The following PTPRD variants were observed in gnomAD, a reference collection of about 807,000 sequenced individuals.
PTPRD encodes receptor-type tyrosine-protein phosphatase delta.
A neutral mutation model predicts 214.5 loss-of-function variants in PTPRD; 34 were observed. The observed-to-expected ratio is 0.16, with a 90% confidence interval of 0.12 to 0.21. The LOEUF is 0.21. Ranked by LOEUF, PTPRD falls within the 10% of genes least tolerant of loss-of-function variation. PTPRD has a pLI of 1.00. For missense variants in PTPRD, 2,545 were observed against 2,398.7 expected (o/e 1.06, Z -1.27); for synonymous variants, 1,128 against 845.7 (o/e 1.33, Z -5.79).
intron 11 of PTPRD, among the ~76,000 whole-genome samples, chr9:8,844,991 T>C (rs1437348404): frequency 6.6e-6 from 1 of 152,114 alleles, no homozygotes; most frequent in Non-Finnish European, 1.5e-5. Context: ...ATCTCTAAAA[T>C]TTGTCAGTGC....
chr9:8,384,421 A>C (rs934712950), intron 37 of PTPRD, among the ~76,000 whole-genome samples: 6 of 152,190 alleles, frequency 3.9e-5, no homozygotes, highest in African/African-American at 1.4e-4. Flanking sequence ...AAAAACCACT[A>C]ACAGTATTTC....
chr9:9,047,095 G>A (rs549824145), intron 10 of PTPRD, among the ~76,000 whole-genome samples: 3 of 151,818 alleles, frequency 2.0e-5, no homozygotes, highest in Non-Finnish European at 4.4e-5. Context: ...ATTAAAAATC[G>A]GTAGCATTTC....
At chr9:8,701,919 G>A (rs957694239) in intron 12 of PTPRD, among the ~76,000 whole-genome samples, 8 of 151,926 alleles carry the variant, frequency 5.3e-5, no homozygotes, top group African/African-American at 9.7e-5. Context: ...ATTAAATGTC[G>A]TTCTGCTTTT....
chr9:9,364,930 G>A (rs1396230139), intron 9 of PTPRD, among the ~76,000 whole-genome samples: 1 of 151,418 alleles, frequency 6.6e-6, no homozygotes, highest in East Asian at 1.9e-4. Flanking sequence ...TTAGACTGGA[G>A]CAGCAGCAGA....
chr9:10,228,800 TTA>T (rs2099597978), intron 3 of PTPRD, among the ~76,000 whole-genome samples: 1 of 150,268 alleles, frequency 6.7e-6, no homozygotes, highest in Non-Finnish European at 1.5e-5. Flanking sequence ...TATATATTAT[TTA>T]TATGTAACTT....
intron 11 of PTPRD, among the ~76,000 whole-genome samples, chr9:8,925,552 C>T (rs2098874183): frequency 6.6e-6 from 1 of 151,836 alleles, no homozygotes; most frequent in African/African-American, 2.4e-5. Context: ...AGTTGCTAAG[C>T]TGTGCCCACC....
Position 9,076,827 on chromosome 9 carries a change from G to A in PTPRD, c.-142-58092C>T, listed in dbSNP as rs2154416680. ...TTTTTGGTTATATACCTAGCTGTGG[G>A]ATTGCTGGAACATATGGTAGCTCTA... On this transcript the variant is annotated intron_variant, in intron 10 of 45. Transcript: ENST00000381196. Among the ~76,000 whole-genome samples the A allele has an allele frequency of 1.3e-5, 2 of 151,594 alleles. 1 individual carries two copies. The highest frequency in any genetic ancestry group is 6.8e-3 in the Middle Eastern group (2 of 294).
At chr9:8,444,168 G>C (rs2095642797) in intron 34 of PTPRD, among the ~76,000 whole-genome samples, 1 of 152,114 alleles carries the variant, frequency 6.6e-6, no homozygotes, top group Non-Finnish European at 1.5e-5. Context: ...GCTCATTACA[G>C]TAGTATCTGT....
At chr9:8,513,054 T>C (rs2097713095) in intron 21 of PTPRD, among the ~76,000 whole-genome samples, 1 of 152,036 alleles carries the variant, frequency 6.6e-6, no homozygotes, top group Non-Finnish European at 1.5e-5. Context: ...AATACTTTCC[T>C]TGTCAATGGC....
chr9:10,084,550 T>C (rs995173560), intron 3 of PTPRD, among the ~76,000 whole-genome samples: 1 of 151,994 alleles, frequency 6.6e-6, no homozygotes, highest in African/African-American at 2.4e-5. Flanking sequence ...ATGGCAGTGT[T>C]TACTGGAGTT....
In PTPRD at chr9:9,275,756, G is replaced by A. The variant is rs528436535; in HGVS notation, c.-202-92393C>T. Among the ~76,000 whole-genome samples, 3 of 151,264 alleles carry A rather than the reference G, an allele frequency of 2.0e-5. No homozygotes were observed. The East Asian group carries it at 5.9e-4, about 30-fold the overall frequency. On this transcript the variant is annotated intron_variant, in intron 9 of 45. Coordinates refer to ENST00000381196, the MANE Select transcript of PTPRD (RefSeq NM_002839.4). The stretch of plus-strand genomic sequence containing the variant: ...CTCTTTAAAGTGTGAATTAGTGCAG[G>A]CACTCATTACTCACCTCCCTCCCTT...
chr9:8,752,346 G>A (rs1466585658), intron 11 of PTPRD, among the ~76,000 whole-genome samples: 1 of 152,156 alleles, frequency 6.6e-6, no homozygotes, highest in Non-Finnish European at 1.5e-5. Flanking sequence ...TGCCATGGCA[G>A]TTTACAGATG....
chr9:9,651,966 C>G (rs1002549745), intron 7 of PTPRD, among the ~76,000 whole-genome samples: 1 of 150,962 alleles, frequency 6.6e-6, no homozygotes, highest in East Asian at 2.0e-4. Context: ...TCCCAAGTAG[C>G]TGGGACCACA....
At chr9:8,847,993 G>A (rs1232255410) in intron 11 of PTPRD, among the ~76,000 whole-genome samples, 3 of 151,916 alleles carry the variant, frequency 2.0e-5, no homozygotes, top group Non-Finnish European at 2.9e-5. Context: ...TTATAAAAAT[G>A]CTTCTGATTT....
intron 7 of PTPRD, among the ~76,000 whole-genome samples, chr9:9,714,277 T>C (rs1006828489): frequency 1.3e-5 from 2 of 152,178 alleles, no homozygotes; most frequent in Non-Finnish European, 2.9e-5. Context: ...TAGGTTGATA[T>C]ATTTTTGTAC....
chr9:9,732,028 G>A (rs117202819), intron 7 of PTPRD, among the ~76,000 whole-genome samples: 2,277 of 152,152 alleles, frequency 0.015, 26 homozygotes, highest in Middle Eastern at 0.044. Flanking sequence ...AGAGTTCAAG[G>A]ACAGGGGGAA....
rs1358463867 is a variant in PTPRD, at chr9:9,873,463, C to T, written c.-368+65044G>A. 2.6e-5 allele frequency among the ~76,000 whole-genome samples: 4 copies of T among 151,792 alleles called. No homozygotes were observed. The East Asian group carries it at 7.7e-4, about 29-fold the overall frequency. On this transcript the variant is annotated intron_variant, in intron 5 of 45. Coordinates refer to ENST00000381196, the MANE Select transcript of PTPRD (RefSeq NM_002839.4). ...AGCTCTAACTAAAACCTGGATCTTA[C>T]TTACTTTTTTTTTTCTATAAGGGCA...
intron 10 of PTPRD, among the ~76,000 whole-genome samples, chr9:9,096,230 T>G (rs911330647): frequency 6.6e-6 from 1 of 152,220 alleles, no homozygotes; most frequent in African/African-American, 2.4e-5. Flanking sequence ...TTAGCCACCG[T>G]TGCCACAAAA....
At chr9:9,106,429 A>G (rs1174101512) in intron 10 of PTPRD, among the ~76,000 whole-genome samples, 2 of 151,926 alleles carry the variant, frequency 1.3e-5, no homozygotes, top group African/African-American at 4.8e-5. Context: ...TATGATCCTC[A>G]CTTTAAAATT....
Sources: allele counts gnomAD v4.1 joint callset (sites outside exome capture counted in the v4.1 genomes callset), GRCh38; gene constraint gnomAD v4.1.1; transcripts MANE v1.5; gene names NCBI Gene and HGNC (gene_info 2026-07-23, HGNC 2026-07-21).